The following TRPC7 variants were observed in gnomAD, a reference collection of about 807,000 sequenced individuals.
The protein encoded by TRPC7 is short transient receptor potential channel 7.
TRPC7 carries 42 observed loss-of-function variants against 90.1 expected under a neutral mutation model. The observed-to-expected ratio is 0.47, with a 90% CI of 0.36 to 0.60. TRPC7 has a LOEUF of 0.60. Ranked by LOEUF, TRPC7 falls within the 20% of genes least tolerant of loss-of-function variation. The probability of loss-of-function intolerance (pLI) is 0.00; values close to 1 mark genes in which losing one functional copy is unlikely to be tolerated. For synonymous variants in TRPC7, 451 were observed against 436.3 expected, an observed-to-expected ratio of 1.03 and a Z score of -0.42; for missense variants, 955 against 1,112.3, an observed-to-expected ratio of 0.86 and a Z score of 2.01.
chr5:136,271,947 G>A (rs1757225334), intron 4 of TRPC7, among the ~76,000 whole-genome samples: 1 of 152,286 alleles, frequency 6.6e-6, no homozygotes, highest in South Asian at 2.1e-4. Flanking sequence ...AGTCATTATG[G>A]CTGGCTAATC....
intron 3 of TRPC7, among the ~76,000 whole-genome samples, chr5:136,282,313 A>C (rs1473083729): frequency 1.3e-5 from 2 of 152,224 alleles, no homozygotes; most frequent in Non-Finnish European, 2.9e-5. Flanking sequence ...AGAGGGAACT[A>C]TCTGTAGCTT....
intron 3 of TRPC7, among the ~76,000 whole-genome samples, chr5:136,303,575 G>A (rs1166066245): frequency 6.6e-6 from 1 of 151,994 alleles, no homozygotes; most frequent in Non-Finnish European, 1.5e-5. Flanking sequence ...CCTCCCCCAG[G>A]AGCTTGCTAC....
chr5:136,215,064 T>C (rs1171151847), intron 11 of TRPC7, among the ~76,000 whole-genome samples: 17 of 152,050 alleles, frequency 1.1e-4, no homozygotes, highest in Admixed American at 3.3e-4. Context: ...TGCTGATTCA[T>C]TAGGTCTGGG....
chr5:136,362,071 C>T (rs183199470), intron 1 of TRPC7, among the ~76,000 whole-genome samples: 1 of 152,256 alleles, frequency 6.6e-6, no homozygotes, highest in East Asian at 1.9e-4. Flanking sequence ...TTTTACTGTA[C>T]ATTGATATAC....
At chr5:136,337,392 G>C (rs1759702211) in intron 2 of TRPC7, among the ~76,000 whole-genome samples, 1 of 152,192 alleles carries the variant, frequency 6.6e-6, no homozygotes, top group South Asian at 2.1e-4. Flanking sequence ...TTAGGGCCAG[G>C]CGTGGTGGCT....
chr5:136,232,014 T>A (rs1279019034), intron 7 of TRPC7, among the ~76,000 whole-genome samples: 1 of 152,216 alleles, frequency 6.6e-6, no homozygotes, highest in South Asian at 2.1e-4. Flanking sequence ...CATTCTGAGA[T>A]AATGTGATAT....
At chr5:136,219,289 G>A (rs547208164) in intron 10 of TRPC7, among the ~76,000 whole-genome samples, 11 of 152,374 alleles carry the variant, frequency 7.2e-5, no homozygotes, top group African/African-American at 2.4e-4. Context: ...GGGTAGAAAA[G>A]CAAAGGTTTA....
intron 3 of TRPC7, among the ~76,000 whole-genome samples, chr5:136,284,588 C>G (rs1757651324): frequency 6.6e-6 from 1 of 152,174 alleles, no homozygotes; most frequent in East Asian, 1.9e-4. Flanking sequence ...TGTCTTGGCT[C>G]TCATTGCCCT....
At chr5:136,231,958 C>A (rs1346440294) in intron 7 of TRPC7, among the ~76,000 whole-genome samples, 1 of 152,092 alleles carries the variant, frequency 6.6e-6, no homozygotes, top group Non-Finnish European at 1.5e-5. Context: ...CCCTGGAGTG[C>A]CCAGTTGTTA....
At chr5:136,359,389 C>T (rs1760490910) in intron 1 of TRPC7, among the ~76,000 whole-genome samples, 1 of 152,176 alleles carries the variant, frequency 6.6e-6, no homozygotes, top group Admixed American at 6.5e-5. Context: ...GGTGATAAAT[C>T]CTAATAGAGA....
rs1760697182 is a variant in TRPC7 at position 136,365,525 on chromosome 5, G to C, written c.-271C>G. On this transcript the variant is annotated 5_prime_UTR_variant, in exon 1 of 12. Transcript: ENST00000513104. ...GGGAAATTTCCCAGAGAACATGACGGAGAAGCATCTGTGTGAGAGTGGCAT... is the reference window on the plus strand; with the variant it reads ...GGGAAATTTCCCAGAGAACATGACGCAGAAGCATCTGTGTGAGAGTGGCAT... 1.8e-6 allele frequency: 1 copy of C among 559,386 alleles called. No individual in the cohort carries two copies. The highest frequency in any genetic ancestry group is 3.2e-6 in the Non-Finnish European group (1 of 314,166). The allele number at this position is 559,386 out of a possible 1,614,324, so 34.7% of individuals were successfully genotyped here.
At chr5:136,275,061 G>A (rs903391317) in intron 3 of TRPC7, among the ~76,000 whole-genome samples, 1 of 152,142 alleles carries the variant, frequency 6.6e-6, no homozygotes, top group Non-Finnish European at 1.5e-5. Flanking sequence ...AAGACTGGCT[G>A]AATTCACACT....
rs78806901 is a variant in TRPC7, at chr5:136,250,726, G to A, written c.1579+923C>T. On this transcript the variant is annotated intron_variant, in intron 6 of 11. Transcript: ENST00000513104. Reference sequence around the variant, plus strand: ...CCCTCAAAACAAACTTTTTGATGTAGGTATTATTATCTCTGTTTTACATAT... The same window carrying A: ...CCCTCAAAACAAACTTTTTGATGTAAGTATTATTATCTCTGTTTTACATAT... Among the ~76,000 whole-genome samples, 287 of 152,230 alleles carry A rather than the reference G, an allele frequency of 1.9e-3. 1 individual carries two copies. The highest frequency in any genetic ancestry group is 6.5e-3 in the African/African-American group (270 of 41,526).
intron 2 of TRPC7, among the ~76,000 whole-genome samples, chr5:136,349,234 T>G (rs1760109543): frequency 6.6e-6 from 1 of 152,202 alleles, no homozygotes; most frequent in Admixed American, 6.5e-5. Context: ...GTGTTCTGCA[T>G]TTTTTTCAAT....
In TRPC7 at chr5:136,359,266, G is replaced by C. The variant is rs184825714; in HGVS notation, c.3-1881C>G. On this transcript the variant is annotated intron_variant, in intron 1 of 11. Transcript: ENST00000513104. ...TCTTGGTACTCTAATCCTGCCTGGA[G>C]CTGAGTCACACTTCCCTTGGGAAAA... 9.2e-5 allele frequency among the ~76,000 whole-genome samples: 14 copies of C among 152,282 alleles called. No individual in the cohort carries two copies. The East Asian group carries it at 2.7e-3, about 29-fold the overall frequency.
chr5:136,298,662 C>A (rs557617434), intron 3 of TRPC7, among the ~76,000 whole-genome samples: 2 of 152,204 alleles, frequency 1.3e-5, no homozygotes, highest in African/African-American at 4.8e-5. Context: ...AAAGGCCAAC[C>A]CCCTTGCCTT....
intron 8 of TRPC7, among the ~76,000 whole-genome samples, chr5:136,229,248 G>C (rs1263107359): frequency 1.3e-5 from 2 of 152,176 alleles, no homozygotes; most frequent in African/African-American, 2.4e-5. Flanking sequence ...AGCAGCTGAG[G>C]CTTCATGGCC....
At chr5:136,363,036 T>A (rs1760616334) in intron 1 of TRPC7, among the ~76,000 whole-genome samples, 1 of 152,200 alleles carries the variant, frequency 6.6e-6, no homozygotes, top group Non-Finnish European at 1.5e-5. Context: ...ATTCTATGAC[T>A]GTTATTTCCT....
chr5:136,236,824 C>T (rs1755995802), intron 7 of TRPC7, among the ~76,000 whole-genome samples: 1 of 152,162 alleles, frequency 6.6e-6, no homozygotes, highest in Non-Finnish European at 1.5e-5. Flanking sequence ...TCTCTCTCTC[C>T]CCACTGCCAG....
Sources: allele counts gnomAD v4.1 joint callset (sites outside exome capture counted in the v4.1 genomes callset), GRCh38; gene constraint gnomAD v4.1.1; transcripts MANE v1.5; gene names NCBI Gene and HGNC (gene_info 2026-07-23, HGNC 2026-07-21).